Variants in CD8B observed in about 807,000 individuals in gnomAD.
The protein encoded by CD8B is CD8 subunit beta.
Under a neutral mutation model 24.2 loss-of-function variants are expected in CD8B, and 6 were observed. That is an observed-to-expected ratio of 0.25 (90% CI 0.14 to 0.49). CD8B has a LOEUF of 0.49. Ranked by LOEUF, CD8B falls within the 20% of genes least tolerant of loss-of-function variation. The pLI, the probability that CD8B is intolerant of heterozygous loss-of-function variation, is 0.98. For missense variants in CD8B, 196 were observed against 271.3 expected (o/e 0.72, Z 1.95); for synonymous variants, 84 against 108.3 (o/e 0.78, Z 1.39).
chr2:86,859,588 T>G (rs1317150801), intron 1 of CD8B, among the ~76,000 whole-genome samples: 4 of 152,218 alleles, frequency 2.6e-5, no homozygotes, highest in Non-Finnish European at 4.4e-5. Flanking sequence ...ATCACAGGGT[T>G]GTTACTGGAG....
chr2:86,828,566 G>A (rs929620355), intron 5 of CD8B, among the ~76,000 whole-genome samples: 2 of 152,180 alleles, frequency 1.3e-5, no homozygotes, highest in African/African-American at 2.4e-5. Flanking sequence ...AACCCTGGGA[G>A]CAGCTAGAGA....
intron 3 of CD8B, among the ~76,000 whole-genome samples, chr2:86,849,111 A>G (rs1312774735): frequency 1.3e-5 from 2 of 152,278 alleles, no homozygotes; most frequent in Non-Finnish European, 2.9e-5. Context: ...CCCAGCTACT[A>G]AAAGGCAGGA....
rs975236682 is a variant in CD8B at position 86,843,379 on chromosome 2, G to A, written c.621-1060C>T. ...CCCAAAGTGCTGGGATTACAGGCTT[G>A]AGCCACTGCACCCGGCCTTGAATGG... On this transcript the variant is annotated intron_variant, in intron 5 of 5. Coordinates refer to ENST00000390655, the MANE Select transcript of CD8B (RefSeq NM_004931.5). The A allele has an allele frequency of 8.4e-6, 8 of 952,522 alleles. No individual in the cohort carries two copies. In the African/African-American group the frequency reaches 1.2e-4, roughly 15 times the overall value. The allele number at this position is 952,522 out of a possible 1,614,324, so 59.0% of individuals were successfully genotyped here. A position where few individuals can be genotyped will look rare whatever the true frequency, so the allele number is the denominator to read the frequency against.
intron 5 of CD8B, among the ~76,000 whole-genome samples, chr2:86,823,787 G>C (rs1674573099): frequency 6.6e-6 from 1 of 152,150 alleles, no homozygotes; most frequent in South Asian, 2.1e-4. Flanking sequence ...AGATAACAAA[G>C]AAAAACACAG....
chr2:86,819,390 C>A (rs1432997459), intron 5 of CD8B, among the ~76,000 whole-genome samples: 2 of 152,214 alleles, frequency 1.3e-5, no homozygotes, highest in African/African-American at 2.4e-5. Flanking sequence ...CAAAGGACAG[C>A]CTGCCTCTCT....
chr2:86,858,132 C>T lies in CD8B; in HGVS notation c.328G>A (p.Asp110Asn). Residue 110 changes from aspartate to asparagine, a missense_variant, in exon 2 of 6, where the codon GAC becomes AAC. By Grantham distance (23) the Asp-to-Asn change is conservative (BLOSUM62 1). Coordinates refer to ENST00000390655, the MANE Select transcript of CD8B (RefSeq NM_004931.5). Reference sequence around the variant, plus strand: ...ATCATGCAGAAGTAGATGCCACTGTCTTCCGGCTTCACGCTTGTGAGATTG... The same window carrying T: ...ATCATGCAGAAGTAGATGCCACTGTTTTCCGGCTTCACGCTTGTGAGATTG... Reference protein sequence around the residue: ...ILNLTSVKPEDSGIYFCMIVG... With the variant: ...ILNLTSVKPENSGIYFCMIVG... 4 of 1,614,036 alleles carry T rather than the reference C, an allele frequency of 2.5e-6. No homozygotes were observed. Among genetic ancestry groups the T allele is most frequent in the Non-Finnish European group, 3.4e-6 (4 of 1,179,876 alleles).
chr2:86,820,043 C>T (rs1487431639), intron 5 of CD8B, among the ~76,000 whole-genome samples: 13 of 152,170 alleles, frequency 8.5e-5, no homozygotes, highest in Admixed American at 8.5e-4. Flanking sequence ...AGTCTGAAGA[C>T]GTGGCTGAAT....
chr2:86,822,731 A>G (rs1674527509), intron 5 of CD8B, among the ~76,000 whole-genome samples: 2 of 152,214 alleles, frequency 1.3e-5, no homozygotes, highest in South Asian at 4.1e-4. Flanking sequence ...AAAGCTTAAA[A>G]ATAACTCACT....
chr2:86,852,720 G>C (rs937024921), intron 3 of CD8B, among the ~76,000 whole-genome samples: 3 of 152,176 alleles, frequency 2.0e-5, no homozygotes, highest in Non-Finnish European at 4.4e-5. Flanking sequence ...TTCTGCTTTT[G>C]GCTAGTATGA....
chr2:86,853,913 G>C (rs1236053314), intron 2 of CD8B, among the ~76,000 whole-genome samples: 1 of 151,958 alleles, frequency 6.6e-6, no homozygotes, highest in Non-Finnish European at 1.5e-5. Flanking sequence ...CTAATTTTTT[G>C]TATTTTTAGT....
Position 86,829,494 on chromosome 2 carries a change from C to T in CD8B, c.621-13776G>A, listed in dbSNP as rs1674825335. ...CTGGGGGGAGTCAGGCGGGTGGGAG[C>T]AAGGGAAAATAAAAAGAGAAAGCAG... On this transcript the variant is annotated intron_variant, in intron 5 of 5. Transcript: ENST00000331469. Among the ~76,000 whole-genome samples the T allele has an allele frequency of 2.0e-5, 3 of 151,920 alleles. No individual in the cohort carries two copies. In the South Asian group the frequency reaches 6.3e-4, roughly 32 times the overall value.
chr2:86,829,252 G>A (rs747439978), intron 5 of CD8B, among the ~76,000 whole-genome samples: 1 of 151,846 alleles, frequency 6.6e-6, no homozygotes, highest in African/African-American at 2.4e-5. Flanking sequence ...GACTACAGGT[G>A]CATGCCACCA....
intron 5 of CD8B, among the ~76,000 whole-genome samples, chr2:86,826,512 C>T (rs1483650544): frequency 3.3e-5 from 5 of 152,206 alleles, no homozygotes; most frequent in Non-Finnish European, 7.4e-5. Context: ...GGCGGTGACC[C>T]AGGAAGGGTG....
chr2:86,831,318 C>T (rs372827552), intron 5 of CD8B, among the ~76,000 whole-genome samples: 6 of 152,122 alleles, frequency 3.9e-5, no homozygotes, highest in Non-Finnish European at 8.8e-5. Context: ...CTGCCTGCCT[C>T]GACCTCCCGA....
chr2:86,833,639 C>CCCTTCCTTCCTTCCTTCCTT (rs1553435044), downstream of CD8B, among the ~76,000 whole-genome samples: 80 of 75,688 alleles, frequency 1.1e-3, no homozygotes, highest in Middle Eastern at 6.4e-3. Context: ...CTCCCTCCCT[C>CCCTTCCTTCCTTCCTTCCTT]CCTTCCTTCC....
intron 5 of CD8B, chr2:86,815,761 G>C (rs1240395094): frequency 9.6e-7 from 1 of 1,036,700 alleles, no homozygotes; most frequent in Non-Finnish European, 1.5e-6. Flanking sequence ...CATGCACCAA[G>C]TCAAGGTGTT....
downstream of CD8B, among the ~76,000 whole-genome samples, chr2:86,834,798 T>A (rs1189425049): frequency 1.3e-5 from 2 of 151,786 alleles, no homozygotes; most frequent in African/African-American, 4.8e-5. Flanking sequence ...TAGCTGGGCA[T>A]GATGGCGCGC....
At position 86,841,865 on chromosome 2, in the gene CD8B, C is replaced by T. The variant is rs1236917363; in HGVS notation, c.*442G>A. The T allele has an allele frequency of 2.0e-6, 2 of 986,908 alleles. No homozygotes were observed. The highest frequency in any genetic ancestry group is 2.3e-4 in the East Asian group (2 of 8,846). 61.1% of individuals were successfully genotyped at this position (986,908 alleles called of 1,614,324 possible). A position where few individuals can be genotyped will look rare whatever the true frequency, so the allele number is the denominator to read the frequency against. Reference sequence around the variant, plus strand: ...CACCTGGCCTCTCTGCGAGGAAGGTCAGCCCCAGCCTGGGAAGACCAAGAG... The same window carrying T: ...CACCTGGCCTCTCTGCGAGGAAGGTTAGCCCCAGCCTGGGAAGACCAAGAG... On this transcript the variant is annotated 3_prime_UTR_variant, in exon 6 of 6. Coordinates refer to ENST00000390655, the MANE Select transcript of CD8B (RefSeq NM_004931.5).
In CD8B at chr2:86,840,329, A is replaced by G. The variant is rs1474679651; in HGVS notation, c.*1978T>C. 6.6e-6 allele frequency among the ~76,000 whole-genome samples: 1 copy of G among 152,198 alleles called. No individual in the cohort carries two copies. The highest frequency in any genetic ancestry group is 2.4e-5 in the African/African-American group (1 of 41,444). Reference sequence around the variant, plus strand: ...TCTGGGGGCAGGGCATCTAAGGCCAATTAACATACACCAAAAGGAAAAACC... The same window carrying G: ...TCTGGGGGCAGGGCATCTAAGGCCAGTTAACATACACCAAAAGGAAAAACC... On this transcript the variant is annotated 3_prime_UTR_variant, in exon 6 of 6. Coordinates refer to ENST00000390655, the MANE Select transcript of CD8B (RefSeq NM_004931.5).
Sources: allele counts gnomAD v4.1 joint callset (sites outside exome capture counted in the v4.1 genomes callset), GRCh38; gene constraint gnomAD v4.1.1; transcripts MANE v1.5; gene names NCBI Gene and HGNC (gene_info 2026-07-23, HGNC 2026-07-21).